FBXL17: variants seen among roughly 807,000 people sequenced by gnomAD.
The protein encoded by FBXL17 is F-box and leucine rich repeat protein 17.
FBXL17 carries 22 observed loss-of-function variants against 66.2 expected under a neutral mutation model. The ratio of observed to expected loss-of-function variants is 0.33; its 90% CI spans 0.24 to 0.47. The LOEUF is 0.47. FBXL17 is among the 20% of genes least tolerant of loss of function. The probability of loss-of-function intolerance (pLI) is 1.00; values close to 1 mark genes in which losing one functional copy is unlikely to be tolerated. For missense variants in FBXL17, 878 were observed against 948.2 expected (o/e 0.93, Z 0.97); for synonymous variants, 474 against 400.5 (o/e 1.18, Z -2.19).
intron 5 of FBXL17, among the ~76,000 whole-genome samples, chr5:108,195,463 G>T (rs1216723460): frequency 6.6e-6 from 1 of 152,178 alleles, no homozygotes; most frequent in Admixed American, 6.5e-5. Flanking sequence ...TGAATGGAAT[G>T]AAGACTAGCA....
chr5:108,122,738 T>C (rs1000535217), intron 6 of FBXL17, among the ~76,000 whole-genome samples: 5 of 152,182 alleles, frequency 3.3e-5, no homozygotes, highest in Non-Finnish European at 7.4e-5. Context: ...TACTGAATTA[T>C]TTATCTGCAA....
chr5:107,978,217 A>T (rs759686577), intron 7 of FBXL17, among the ~76,000 whole-genome samples: 10 of 152,300 alleles, frequency 6.6e-5, no homozygotes, highest in Non-Finnish European at 1.2e-4. Context: ...CTAGCCACAC[A>T]CGCTGGCTGC....
intron 4 of FBXL17, chr5:108,299,831 C>T (rs908830630): frequency 2.4e-5 from 24 of 984,270 alleles, no homozygotes; most frequent in African/African-American, 8.8e-5. Context: ...AAATGTCAGT[C>T]GAGAATCTGA....
chr5:108,177,794 T>C (rs896103174), intron 6 of FBXL17, among the ~76,000 whole-genome samples: 1 of 151,574 alleles, frequency 6.6e-6, no homozygotes, highest in Non-Finnish European at 1.5e-5. Context: ...TTCCTCAGGG[T>C]TGTTGTAGAG....
chr5:108,013,728 A>G (rs1754269504), intron 7 of FBXL17, among the ~76,000 whole-genome samples: 1 of 152,206 alleles, frequency 6.6e-6, no homozygotes, highest in African/African-American at 2.4e-5. Flanking sequence ...AAACCAGTCT[A>G]GAATGAACCC....
rs368269829 is a variant in FBXL17, at chr5:108,149,767, TTCTC to T, written c.1745+36346_1745+36349del. ...AGCCCTAACTTTAAGATAGTCCATG[TTCTC>T]TCTCTGTGTTTTCTTACATCCCATA... is the stretch of plus-strand genomic sequence containing the variant. On this transcript the variant is annotated intron_variant, in intron 6 of 8. Transcript: ENST00000542267. Among the ~76,000 whole-genome samples the T allele has an allele frequency of 2.8e-4, 42 of 152,308 alleles. No individual in the cohort carries two copies. The South Asian group carries it at 7.5e-3, about 27-fold the overall frequency.
At chr5:108,065,906 A>G (rs1748099699) in intron 6 of FBXL17, among the ~76,000 whole-genome samples, 1 of 152,158 alleles carries the variant, frequency 6.6e-6, no homozygotes, top group Non-Finnish European at 1.5e-5. Context: ...AGAGTCTCAC[A>G]TAGGAAAGCG....
rs151107629 is a variant in FBXL17 at position 108,297,121 on chromosome 5, A to G, written c.1506+51278T>C. ...CACTTAAAGCAAATAATCATATTTAATAACTCCATAAATAAACAGGGTTTA... is the reference window on the plus strand; with the variant it reads ...CACTTAAAGCAAATAATCATATTTAGTAACTCCATAAATAAACAGGGTTTA... On this transcript the variant is annotated intron_variant, in intron 4 of 8. Coordinates refer to ENST00000542267, the MANE Select transcript of FBXL17 (RefSeq NM_001163315.3). Among the ~76,000 whole-genome samples, 472 of 151,722 alleles carry G rather than the reference A, an allele frequency of 3.1e-3. 5 individuals carry two copies. Among genetic ancestry groups the G allele is most frequent in the African/African-American group, 0.011 (451 of 41,546 alleles).
chr5:108,381,735 A>G lies in FBXL17; in HGVS notation c.-44T>C. ...GGGGACCGGGACGGGAGGGAGGGAGACCCAGAGAGGCGGGCTCCCGGCAGC... is the reference window on the plus strand; with the variant it reads ...GGGGACCGGGACGGGAGGGAGGGAGGCCCAGAGAGGCGGGCTCCCGGCAGC... On this transcript the variant is annotated 5_prime_UTR_variant, in exon 1 of 9. Coordinates refer to ENST00000542267, the MANE Select transcript of FBXL17 (RefSeq NM_001163315.3). The G allele has an allele frequency of 7.2e-7, 1 of 1,383,016 alleles. No homozygotes were observed. The highest frequency in any genetic ancestry group is 9.3e-7 in the Non-Finnish European group (1 of 1,074,324). The allele number at this position is 1,383,016 out of a possible 1,614,324, so 85.7% of individuals were successfully genotyped here.
Position 108,047,437 on chromosome 5 carries a change from G to C in FBXL17, c.1746-26436C>G, listed in dbSNP as rs537005773. On this transcript the variant is annotated intron_variant, in intron 6 of 8. Transcript: ENST00000542267. ...GCCTGCCAGGTCCCCAGGGGGAGGG[G>C]TGACCAGCACCAAAGCTGCAGCTGC... Among the ~76,000 whole-genome samples, 55 of 152,316 alleles carry C rather than the reference G, an allele frequency of 3.6e-4. No individual in the cohort carries two copies. In the East Asian group the frequency reaches 6.6e-3, roughly 18 times the overall value.
rs190059556 is a variant in FBXL17 at position 107,985,474 on chromosome 5, C to T, written c.1822+35451G>A. On this transcript the variant is annotated intron_variant, in intron 7 of 8. Transcript: ENST00000542267. ...AACATTCTGTCTTTTCTGCTGAAAG[C>T]TTGTCAGAGTTTGATATCTATTCTC... Among the ~76,000 whole-genome samples the T allele has an allele frequency of 3.8e-3, 582 of 151,714 alleles. 3 individuals carry two copies. Among genetic ancestry groups the T allele is most frequent in the Non-Finnish European group, 6.4e-3 (432 of 68,026 alleles).
chr5:108,139,132 T>TCCCCA (rs1554068500), intron 6 of FBXL17, among the ~76,000 whole-genome samples: 25 of 152,274 alleles, frequency 1.6e-4, no homozygotes, highest in Non-Finnish European at 2.4e-4. Flanking sequence ...CATGCCATAT[T>TCCCCA]TAGTATGTGT....
At chr5:108,348,636 T>C in intron 3 of FBXL17, 106 bp from the exon 4 acceptor site, 1 of 1,084,410 alleles carries the variant, frequency 9.2e-7, no homozygotes, top group Admixed American at 2.4e-5. Flanking sequence ...CAGAGTTAAA[T>C]ATTTATGTTA....
chr5:108,155,799 A>G (rs286779), intron 6 of FBXL17, among the ~76,000 whole-genome samples: 31,842 of 152,160 alleles, frequency 0.21, 3,661 homozygotes, highest in South Asian at 0.43. Context: ...AAAAATAAAA[A>G]TAAGAATTCC....
chr5:107,910,480 T>C (rs566669136), intron 7 of FBXL17, among the ~76,000 whole-genome samples: 5 of 151,956 alleles, frequency 3.3e-5, no homozygotes, highest in Non-Finnish European at 7.4e-5. Flanking sequence ...TCCAGTAGTG[T>C]AAGTATCCAT....
chr5:108,265,652 T>C (rs1245746637), intron 4 of FBXL17, among the ~76,000 whole-genome samples: 1 of 152,230 alleles, frequency 6.6e-6, no homozygotes, highest in Non-Finnish European at 1.5e-5. Context: ...ATTTGCACTA[T>C]TATTAAATAT....
At chr5:107,942,050 C>A (rs1056672539) in intron 7 of FBXL17, among the ~76,000 whole-genome samples, 10 of 152,110 alleles carry the variant, frequency 6.6e-5, no homozygotes, top group African/African-American at 2.4e-4. Context: ...TGGTCCCTGA[C>A]CATGGGAGGC....
chr5:107,960,411 C>G (rs1223277871), intron 7 of FBXL17, among the ~76,000 whole-genome samples: 1 of 152,106 alleles, frequency 6.6e-6, no homozygotes, highest in Non-Finnish European at 1.5e-5. Context: ...AAAACATATT[C>G]CTTCTCTCTA....
intron 5 of FBXL17, among the ~76,000 whole-genome samples, chr5:108,208,653 C>G (rs1304538232): frequency 1.3e-5 from 2 of 152,138 alleles, no homozygotes; most frequent in African/African-American, 4.8e-5. Flanking sequence ...GGTCTCTGTT[C>G]TGTTCCACTG....
Sources: gnomAD v4.1 joint callset for allele counts (sites outside exome capture counted in the v4.1 genomes callset) on GRCh38, gnomAD v4.1.1 for gene constraint, MANE v1.5 for transcripts, NCBI Gene and HGNC (gene_info 2026-07-23, HGNC 2026-07-21) for gene names.